The following SGCE variants were observed in gnomAD, a reference collection of about 807,000 sequenced individuals.
SGCE encodes the protein sarcoglycan epsilon.
In SGCE, 26 loss-of-function variants were observed where a neutral mutation model predicts 57.8. The observed-to-expected ratio is 0.45, with a 90% CI of 0.33 to 0.62. The LOEUF is 0.62. Among genes scored for constraint, SGCE ranks in the 20% least tolerant of loss-of-function variants. The pLI, the probability that SGCE is intolerant of heterozygous loss-of-function variation, is 0.02. For synonymous variants in SGCE, 183 were observed against 189.5 expected (o/e 0.97, Z 0.28); for missense variants, 468 against 548.6 (o/e 0.85, Z 1.47).
At chr7:94,607,464 C>T (rs1800336569) in intron 5 of SGCE, among the ~76,000 whole-genome samples, 1 of 152,166 alleles carries the variant, frequency 6.6e-6, no homozygotes. Flanking sequence ...CAATGATCAA[C>T]TGGGACTTTC....
At chr7:94,626,965 T>C (rs1358937760) in intron 3 of SGCE, 2 of 152,056 alleles carry the variant, frequency 1.3e-5, no homozygotes, top group Non-Finnish European at 2.9e-5. Flanking sequence ...TTTTTCCTTC[T>C]TTAATCTAAT....
chr7:94,599,620 C>G lies in SGCE; in HGVS notation c.1064+77G>C, dbSNP rs1044207439. 3 of 1,088,582 alleles carry G rather than the reference C, an allele frequency of 2.8e-6. No homozygotes were observed. The African/African-American group carries it at 4.7e-5, about 17-fold the overall frequency. 67.4% of individuals were successfully genotyped at this position (1,088,582 alleles called of 1,614,324 possible). On this transcript the variant is annotated intron_variant, in intron 8 of 10. Transcript: ENST00000648936. The stretch of plus-strand genomic sequence containing the variant: ...ATGACAAATGAAAAAAAGCTTGACA[C>G]ACATGTATGGAGCATGATGGGCAAC...
chr7:94,589,927 T>G (rs1429602049), intron 9 of SGCE: 1 of 152,494 alleles, frequency 6.6e-6, no homozygotes, highest in African/African-American at 2.4e-5. Flanking sequence ...ACTCCTGGTC[T>G]GACATGAAAC....
At chr7:94,611,025 T>C (rs990411360) in intron 5 of SGCE, among the ~76,000 whole-genome samples, 6 of 152,202 alleles carry the variant, frequency 3.9e-5, no homozygotes, top group Admixed American at 2.0e-4. Flanking sequence ...TATGGAAAAG[T>C]TGGAACTCTC....
chr7:94,604,857 AT>A (rs1188575213), intron 5 of SGCE, among the ~76,000 whole-genome samples: 13 of 99,792 alleles, frequency 1.3e-4, no homozygotes, highest in South Asian at 3.5e-4. Context: ...ATATATATAT[AT>A]AATAGTTGTT....
chr7:94,620,685 T>G (rs1802628993), intron 4 of SGCE: 2 of 152,244 alleles, frequency 1.3e-5, no homozygotes, highest in Non-Finnish European at 2.9e-5. Context: ...TATCTAAAAC[T>G]TTTTTCTTAT....
chr7:94,651,373 A>G (rs774345371), intron 1 of SGCE, among the ~76,000 whole-genome samples: 6 of 152,192 alleles, frequency 3.9e-5, no homozygotes, highest in Non-Finnish European at 8.8e-5. Context: ...AATGCTGAGG[A>G]AGACAAAACT....
At chr7:94,586,610 C>T (rs1463150249) in intron 10 of SGCE, 3 of 153,300 alleles carry the variant, frequency 2.0e-5, no homozygotes, top group Non-Finnish European at 4.3e-5. Flanking sequence ...AGTGATTTTT[C>T]TGCCTCAGCC....
chr7:94,624,254 G>C, intron 3 of SGCE: 2 of 396,468 alleles, frequency 5.0e-6, no homozygotes. Flanking sequence ...GTGACACTGA[G>C]ACAAAAGAGT....
chr7:94,586,080 A>C (rs1043769016), intron 10 of SGCE, among the ~76,000 whole-genome samples: 2 of 150,532 alleles, frequency 1.3e-5, no homozygotes, highest in African/African-American at 4.9e-5. Context: ...AAAAAAAAAA[A>C]AAAAAAACAA....
intron 5 of SGCE, among the ~76,000 whole-genome samples, chr7:94,609,130 C>T (rs1160693946): frequency 2.0e-5 from 3 of 152,198 alleles, no homozygotes; most frequent in Non-Finnish European, 1.5e-5. Context: ...CAAAAAGCCA[C>T]AGACTACAAG....
rs201939274 is a variant in SGCE at position 94,586,501 on chromosome 7, C to CT, written c.1298-987dup. The CT allele has an allele frequency of 5.8e-3, 885 of 152,024 alleles. 8 individuals carry two copies. Among genetic ancestry groups the CT allele is most frequent in the African/African-American group, 0.02 (838 of 41,436 alleles). The allele number at this position is 152,024 out of a possible 1,614,324, so 9.4% of individuals were successfully genotyped here. ...TGCCTCCATTTAGGTTTTCTTTTTTCTTTTTTTTCTTTTTTTGATTCAGAG... is the reference window on the plus strand; with the variant it reads ...TGCCTCCATTTAGGTTTTCTTTTTTCTTTTTTTTTCTTTTTTTGATTCAGAG... On this transcript the variant is annotated intron_variant, in intron 10 of 10. Coordinates refer to ENST00000648936, the MANE Select transcript of SGCE (RefSeq NM_003919.3).
At position 94,598,881 on chromosome 7, in the gene SGCE, G is replaced by C; in HGVS notation, c.1147C>G (p.Pro383Ala). Residue 383 changes from proline to alanine, a missense_variant, in exon 9 of 11, where the codon CCC becomes GCC. Pro to Ala is a conservative substitution (Grantham distance 27). Coordinates refer to ENST00000648936, the MANE Select transcript of SGCE (RefSeq NM_003919.3). ...TGGAACACAGGAAGCGTTGACAGGG[G>C]CCATGCTATCTCTCTATTCTTGGAC... ...DMSKNREIAW[P>A]LSTLPVFHPV... 1 of 1,613,002 alleles carries C rather than the reference G, an allele frequency of 6.2e-7. No individual in the cohort carries two copies. The highest frequency in any genetic ancestry group is 1.7e-4 in the Middle Eastern group (1 of 6,060).
At chr7:94,603,225 A>T in intron 6 of SGCE, 65 bp downstream of exon 6, 2 of 1,289,486 alleles carry the variant, frequency 1.6e-6, no homozygotes, top group Non-Finnish European at 2.2e-6. Context: ...TTCAGGTTTT[A>T]GTCAAACGTT....
intron 6 of SGCE, among the ~76,000 whole-genome samples, chr7:94,601,384 G>A (rs1472729091): frequency 1.5e-5 from 2 of 133,968 alleles, no homozygotes; most frequent in African/African-American, 5.8e-5. Flanking sequence ...TAACTTTTAT[G>A]GAAGATAGTC....
At chr7:94,634,243 C>T (rs1209440914) in intron 1 of SGCE, among the ~76,000 whole-genome samples, 1 of 152,158 alleles carries the variant, frequency 6.6e-6, no homozygotes, top group East Asian at 1.9e-4. Flanking sequence ...ACCAGAACCA[C>T]ATGAAATGAA....
intron 1 of SGCE, among the ~76,000 whole-genome samples, chr7:94,631,817 A>T (rs1276631578): frequency 2.0e-5 from 3 of 151,970 alleles, no homozygotes; most frequent in African/African-American, 7.2e-5. Flanking sequence ...CAGGATCACA[A>T]CCCTACATCC....
chr7:94,639,534 C>G (rs1806084620), intron 1 of SGCE: 2 of 779,876 alleles, frequency 2.6e-6, no homozygotes. Context: ...CTACAATTAA[C>G]TGGGATCAGA....
chr7:94,629,061 A>T (rs970788733), intron 2 of SGCE: 4 of 152,086 alleles, frequency 2.6e-5, no homozygotes, highest in African/African-American at 4.8e-5. Context: ...AATGCTAAAA[A>T]CATTCTTATA....
Sources: gnomAD v4.1 joint callset for allele counts (sites outside exome capture counted in the v4.1 genomes callset) on GRCh38, gnomAD v4.1.1 for gene constraint, MANE v1.5 for transcripts, NCBI Gene and HGNC (gene_info 2026-07-23, HGNC 2026-07-21) for gene names.